DIAPH2: variants seen among roughly 807,000 people sequenced by gnomAD.
The protein encoded by DIAPH2 is diaphanous related formin 2.
A neutral mutation model predicts 92.7 loss-of-function variants in DIAPH2; 35 were observed. That is an observed-to-expected ratio of 0.38 (90% CI 0.29 to 0.50). The LOEUF (loss-of-function observed/expected upper bound fraction) is 0.50. Ranked by LOEUF, DIAPH2 falls within the 20% of genes least tolerant of loss-of-function variation. DIAPH2 has a pLI of 0.94. For missense variants in DIAPH2, 701 were observed against 819.5 expected (o/e 0.86, Z 1.77); for synonymous variants, 301 against 280.4 (o/e 1.07, Z -0.73).
At chrX:97,407,602 G>T (rs2069823181) in intron 25 of DIAPH2, among the ~76,000 whole-genome samples, 1 of 111,994 alleles carries the variant, frequency 8.9e-6, no homozygotes, top group Non-Finnish European at 1.9e-5. Flanking sequence ...TTCCTCTCTG[G>T]AGCCCACTGT....
At chrX:97,029,391 A>G (rs1198595819) in intron 17 of DIAPH2, among the ~76,000 whole-genome samples, 1 of 110,524 alleles carries the variant, frequency 9.0e-6, no homozygotes, top group East Asian at 2.9e-4. Flanking sequence ...CAAGCTATCC[A>G]CCTGCCTCAG....
intron 4 of DIAPH2, among the ~76,000 whole-genome samples, chrX:96,803,257 A>G (rs892089160): frequency 1.8e-5 from 2 of 110,762 alleles, no homozygotes; most frequent in Non-Finnish European, 3.8e-5. Context: ...ACTCATCATC[A>G]CTTGATATTG....
chrX:97,303,440 C>CAA (rs1401195866), intron 23 of DIAPH2, among the ~76,000 whole-genome samples: 2 of 111,813 alleles, frequency 1.8e-5, no homozygotes, highest in Non-Finnish European at 3.8e-5. Flanking sequence ...CTGTACTATT[C>CAA]AGGAATTGTT....
chrX:97,028,118 AT>A (rs1219021017), intron 17 of DIAPH2, among the ~76,000 whole-genome samples: 2 of 111,345 alleles, frequency 1.8e-5, no homozygotes, highest in Non-Finnish European at 3.8e-5. Flanking sequence ...ATTTCATAGA[AT>A]TTTTTTTAAT....
At chrX:97,309,288 G>C (rs950996072) in intron 23 of DIAPH2, among the ~76,000 whole-genome samples, 2 of 109,264 alleles carry the variant, frequency 1.8e-5, no homozygotes, top group Non-Finnish European at 3.8e-5. Context: ...TAGTAGAGAC[G>C]GGGTTTCACC....
chrX:96,882,976 A>AAAAAAAAAC (rs2065227580), intron 5 of DIAPH2, among the ~76,000 whole-genome samples: 1 of 52,022 alleles, frequency 1.9e-5, no homozygotes, highest in Non-Finnish European at 5.8e-5. Context: ...AAAAAAAAAA[A>AAAAAAAAAC]AAAAAAACAA....
chrX:96,840,775 A>ATT (rs58912392), intron 4 of DIAPH2, among the ~76,000 whole-genome samples: 10,177 of 102,753 alleles, frequency 0.099, 508 homozygotes, highest in East Asian at 0.31. Flanking sequence ...TGCCCAGCTA[A>ATT]TTTTTTTTTT....
At chrX:97,194,386 A>G (rs1364854930) in intron 22 of DIAPH2, among the ~76,000 whole-genome samples, 3 of 106,828 alleles carry the variant, frequency 2.8e-5, no homozygotes. Context: ...GGTTCAAGCC[A>G]TTCTCCTGCC....
intron 9 of DIAPH2, among the ~76,000 whole-genome samples, chrX:96,921,486 A>T (rs2065542822): frequency 9.0e-6 from 1 of 111,388 alleles, no homozygotes; most frequent in Admixed American, 9.6e-5. Context: ...TGCCTCTAGA[A>T]TAATCCATAT....
intron 16 of DIAPH2, among the ~76,000 whole-genome samples, chrX:96,961,667 G>A (rs73250768): frequency 0.013 from 1,455 of 109,101 alleles, 12 homozygotes; most frequent in Middle Eastern, 0.048. Context: ...GTTGTTTATT[G>A]CTATGAACAT....
At chrX:97,264,054 T>C (rs1411550491) in intron 23 of DIAPH2, among the ~76,000 whole-genome samples, 1 of 108,682 alleles carries the variant, frequency 9.2e-6, no homozygotes, top group Non-Finnish European at 1.9e-5. Context: ...CCTGAATAGC[T>C]GGGACTACAG....
intron 16 of DIAPH2, among the ~76,000 whole-genome samples, chrX:96,962,484 CACACACACACACATATATATATATAT>C (rs2065868343): frequency 5.9e-5 from 1 of 16,815 alleles, no homozygotes; most frequent in Non-Finnish European, 1.3e-4. Context: ...TATATACACA[CACACACACACACATATATATATATAT>C]ATATATATAT....
At chrX:97,042,135 G>GCCC (rs2066452401) in intron 17 of DIAPH2, among the ~76,000 whole-genome samples, 1 of 111,351 alleles carries the variant, frequency 9.0e-6, no homozygotes, top group Non-Finnish European at 1.9e-5. Flanking sequence ...TGATGTACAT[G>GCCC]CAAACCAGTT....
intron 25 of DIAPH2, among the ~76,000 whole-genome samples, chrX:97,421,966 A>G (rs1290588030): frequency 8.9e-6 from 1 of 111,879 alleles, no homozygotes; most frequent in African/African-American, 3.2e-5. Flanking sequence ...ATGCTGATTC[A>G]AAGTGGCCTC....
At chrX:97,196,970 GA>G in intron 22 of DIAPH2, among the ~76,000 whole-genome samples, 1 of 110,268 alleles carries the variant, frequency 9.1e-6, no homozygotes, top group African/African-American at 3.3e-5. Context: ...ATTTTTAGTG[GA>G]AATGGGGTTT....
At chrX:97,300,116 A>C (rs2068681236) in intron 23 of DIAPH2, among the ~76,000 whole-genome samples, 2 of 112,349 alleles carry the variant, frequency 1.8e-5, no homozygotes. Context: ...AATGTTGAAT[A>C]GGTCATTTGC....
chrX:97,007,443 G>A (rs992884390), intron 17 of DIAPH2, among the ~76,000 whole-genome samples: 2 of 110,456 alleles, frequency 1.8e-5, no homozygotes, highest in Non-Finnish European at 3.8e-5. Context: ...ATACTATCTC[G>A]GATAATAGTT....
intron 23 of DIAPH2, among the ~76,000 whole-genome samples, chrX:97,266,755 T>A: frequency 9.0e-6 from 1 of 111,212 alleles, no homozygotes; most frequent in South Asian, 3.7e-4. Context: ...ATATAGTTTT[T>A]ATTTTTTACT....
At chrX:97,386,221 G>A (rs2069598601) in intron 25 of DIAPH2, among the ~76,000 whole-genome samples, 1 of 112,181 alleles carries the variant, frequency 8.9e-6, no homozygotes, top group Non-Finnish European at 1.9e-5. Context: ...AAATAGAATA[G>A]TATCAACATA....
Sources: allele counts gnomAD v4.1 joint callset (sites outside exome capture counted in the v4.1 genomes callset), GRCh38; gene constraint gnomAD v4.1.1; transcripts MANE v1.5; gene names NCBI Gene and HGNC (gene_info 2026-07-23, HGNC 2026-07-21).